The following KIAA1671 variants were observed in gnomAD, a reference collection of about 807,000 sequenced individuals.
KIAA1671 encodes the protein uncharacterized protein KIAA1671.
A neutral mutation model predicts 131.2 loss-of-function variants in KIAA1671; 52 were observed. The observed-to-expected ratio is 0.40, with a 90% CI of 0.32 to 0.50. The LOEUF (loss-of-function observed/expected upper bound fraction) is 0.50. KIAA1671 is among the 20% of genes least tolerant of loss of function. KIAA1671 has a pLI of 0.73. For missense variants in KIAA1671, 2,360 were observed against 2,364.2 expected (o/e 1.00, Z 0.04); for synonymous variants, 1,003 against 961.6 (o/e 1.04, Z -0.80).
intron 1 of KIAA1671, among the ~76,000 whole-genome samples, chr22:24,989,283 C>T (rs528787445): frequency 6.6e-6 from 1 of 152,284 alleles, no homozygotes; most frequent in South Asian, 2.1e-4. Context: ...TCCAGGCTTC[C>T]ACCTTTGCCA....
chr22:24,985,599 A>G (rs1923480224), intron 1 of KIAA1671, among the ~76,000 whole-genome samples: 1 of 152,100 alleles, frequency 6.6e-6, no homozygotes, highest in Admixed American at 6.5e-5. Flanking sequence ...TCGGCCTCCC[A>G]AAGTGCTGGG....
rs1394204139 is a variant in KIAA1671 at position 25,185,126 on chromosome 22, G to T, written c.5342+7G>T. On this transcript the variant is annotated splice_region_variant and intron_variant, in intron 11 of 12. Coordinates refer to ENST00000358431, the MANE Select transcript of KIAA1671 (RefSeq NM_001145206.2). ...GCATGGACAAGGATGAGAGGTGAGG[G>T]GTCTTGGGGAATGGGGGTCCCTCTC... 2.6e-6 allele frequency: 4 copies of T among 1,538,484 alleles called. No homozygotes were observed. Among genetic ancestry groups the T allele is most frequent in the African/African-American group, 1.4e-5 (1 of 72,566 alleles).
Position 25,039,901 on chromosome 22 carries a change from C to T in KIAA1671, c.2771C>T (p.Pro924Leu), listed in dbSNP as rs367786792. ...IVAAREGDPG[P>L]AQVPQPAVRM... ...GCCGCCAGGGAGGGTGATCCAGGGC[C>T]GGCCCAGGTGCCACAGCCTGCAGTC... is the stretch of plus-strand genomic sequence containing the variant. Residue 924 changes from proline to leucine, a missense_variant, in exon 5 of 13, where the codon CCG becomes CTG. This residue lies in a region of KIAA1671 where 1,161 missense variants were observed against 1,204.7 expected (regional missense o/e 0.96). Transcript: ENST00000358431. The T allele has an allele frequency of 3.8e-5, 59 of 1,551,420 alleles. No homozygotes were observed. The East Asian group carries it at 3.9e-4, about 10-fold the overall frequency.
At chr22:25,155,641 A>G (rs1933207129) in intron 6 of KIAA1671, among the ~76,000 whole-genome samples, 1 of 151,640 alleles carries the variant, frequency 6.6e-6, no homozygotes. Context: ...TTTTGTGTAT[A>G]TGCATTTGTG....
chr22:25,093,750 C>CTCTCTTTCTCTCTCTCTCTG (rs1930188532), intron 6 of KIAA1671, among the ~76,000 whole-genome samples: 4 of 118,936 alleles, frequency 3.4e-5, no homozygotes, highest in East Asian at 2.5e-4. Flanking sequence ...CTCTCTCTCT[C>CTCTCTTTCTCTCTCTCTCTG]TCTCTCTCTC....
At chr22:25,158,473 G>A (rs1426816687) in intron 6 of KIAA1671, among the ~76,000 whole-genome samples, 1 of 152,132 alleles carries the variant, frequency 6.6e-6, no homozygotes, top group African/African-American at 2.4e-5. Flanking sequence ...AGCACAGGGG[G>A]TTCTATGGGG....
intron 1 of KIAA1671, among the ~76,000 whole-genome samples, chr22:24,984,912 CAAAAAAA>C (rs60969204): frequency 1.8e-5 from 1 of 54,416 alleles, no homozygotes; most frequent in East Asian, 6.1e-4. Flanking sequence ...GACTACGTCT[CAAAAAAA>C]AAAAAAAAAA....
At chr22:24,953,216 C>T (rs927615099) in intron 1 of KIAA1671, among the ~76,000 whole-genome samples, 2 of 152,158 alleles carry the variant, frequency 1.3e-5, no homozygotes, top group African/African-American at 4.8e-5. Flanking sequence ...CCATGCCAGC[C>T]TGAGCCTTGG....
At chr22:24,974,645 G>A (rs1375073133) in intron 1 of KIAA1671, among the ~76,000 whole-genome samples, 1 of 147,812 alleles carries the variant, frequency 6.8e-6, no homozygotes, top group African/African-American at 2.5e-5. Flanking sequence ...TTCCAGTACA[G>A]CCTTATTGAG....
chr22:25,172,818 G>A (rs939375267), intron 7 of KIAA1671, among the ~76,000 whole-genome samples: 1 of 152,170 alleles, frequency 6.6e-6, no homozygotes, highest in African/African-American at 2.4e-5. Flanking sequence ...GGACATGGAC[G>A]CTGGAGTCAG....
intron 6 of KIAA1671, among the ~76,000 whole-genome samples, chr22:25,081,796 G>A (rs1466801859): frequency 2.0e-5 from 3 of 152,106 alleles, no homozygotes; most frequent in South Asian, 2.1e-4. Context: ...AACATCAGGA[G>A]AGAATAGTGT....
In KIAA1671 at chr22:25,040,233, C is replaced by T. The variant is rs894067207; in HGVS notation, c.3103C>T (p.Pro1035Ser). 35 of 1,551,582 alleles carry T rather than the reference C, an allele frequency of 2.3e-5. No homozygotes were observed. The South Asian group carries it at 3.9e-4, about 17-fold the overall frequency. ...ATFFAVTYQI[P>S]NTQKAKGVVL... ...ATTTTTTGCAGTCACCTATCAGATT[C>T]CCAATACTCAAAAGGCAAAGGGTGT... The change falls in exon 5 of 13, where the codon CCC becomes TCC. Residue 1035 changes from proline (P) to serine (S), a missense_variant. By Grantham distance (74) the Pro-to-Ser change is moderately conservative (BLOSUM62 -1). Coordinates refer to ENST00000358431, the MANE Select transcript of KIAA1671 (RefSeq NM_001145206.2).
In KIAA1671 at chr22:24,991,913, AGTT is replaced by A. The variant is rs1367404347; in HGVS notation, c.-207-33716_-207-33714del. Among the ~76,000 whole-genome samples the A allele has an allele frequency of 3.3e-5, 5 of 151,912 alleles. No individual in the cohort carries two copies. The East Asian group carries it at 5.8e-4, about 18-fold the overall frequency. The stretch of plus-strand genomic sequence containing the variant: ...GCGTGTGTGCTTGTTTTCTTGTTTG[AGTT>A]GTTATTTCCTCTGGTGTGGGGAGGT... On this transcript the variant is annotated intron_variant, in intron 1 of 12. Transcript: ENST00000358431.
intron 6 of KIAA1671, among the ~76,000 whole-genome samples, chr22:25,135,052 T>G (rs1456760712): frequency 6.6e-6 from 1 of 152,198 alleles, no homozygotes; most frequent in African/African-American, 2.4e-5. Flanking sequence ...TGATGTAACA[T>G]GACAGTAAGG....
At chr22:25,110,473 T>A (rs1000193826) in intron 6 of KIAA1671, among the ~76,000 whole-genome samples, 2 of 152,180 alleles carry the variant, frequency 1.3e-5, no homozygotes, top group African/African-American at 4.8e-5. Context: ...CCTGGTGACA[T>A]CCTTGCTGTG....
chr22:24,973,254 C>T (rs1922722395), intron 1 of KIAA1671, among the ~76,000 whole-genome samples: 1 of 152,068 alleles, frequency 6.6e-6, no homozygotes, highest in Non-Finnish European at 1.5e-5. Context: ...GAAGTGGAGG[C>T]CCGGAGGCCA....
chr22:25,051,073 C>G (rs1326589148), intron 6 of KIAA1671: 1 of 152,528 alleles, frequency 6.6e-6, no homozygotes, highest in Non-Finnish European at 1.5e-5. Context: ...TGCCTTGGCT[C>G]TTTCCTTCTG....
intron 1 of KIAA1671, among the ~76,000 whole-genome samples, chr22:25,015,786 C>A (rs1041377127): frequency 6.6e-6 from 1 of 152,138 alleles, no homozygotes; most frequent in African/African-American, 2.4e-5. Context: ...GGAAGGCCAT[C>A]TCAAGCTGTT....
At chr22:24,966,262 T>C (rs1376698347) in intron 1 of KIAA1671, among the ~76,000 whole-genome samples, 1 of 152,222 alleles carries the variant, frequency 6.6e-6, no homozygotes, top group East Asian at 1.9e-4. Flanking sequence ...GGAGTCCTGT[T>C]TACCGATGGC....
Sources: gnomAD v4.1 joint callset for allele counts (sites outside exome capture counted in the v4.1 genomes callset) on GRCh38, gnomAD v4.1.1 for gene constraint, gnomAD v4.1.1 regional missense constraint, MANE v1.5 for transcripts, NCBI Gene and HGNC (gene_info 2026-07-23, HGNC 2026-07-21) for gene names.